Variants in PSD3 observed in about 807,000 individuals in gnomAD.
The protein encoded by PSD3 is PH and SEC7 domain-containing protein 3.
PSD3 carries 49 observed loss-of-function variants against 105.5 expected under a neutral mutation model. The observed-to-expected ratio is 0.46, with a 90% CI of 0.37 to 0.59. The LOEUF is 0.59. PSD3 is among the 20% of genes least tolerant of loss of function. The pLI is 0.00. For missense variants in PSD3, 1,561 were observed against 1,263.8 expected (o/e 1.24, Z -3.57); for synonymous variants, 557 against 457.8 (o/e 1.22, Z -2.77).
chr8:18,681,592 G>C (rs1206635412), intron 9 of PSD3, among the ~76,000 whole-genome samples: 2 of 151,914 alleles, frequency 1.3e-5, no homozygotes, highest in Admixed American at 1.3e-4. Context: ...AATGGGAGAA[G>C]TGATGCTTAA....
chr8:18,594,159 AT>A (rs1299614310), intron 12 of PSD3, among the ~76,000 whole-genome samples: 4 of 62,186 alleles, frequency 6.4e-5, no homozygotes, highest in African/African-American at 1.1e-4. Flanking sequence ...AATATATATT[AT>A]TATATACATA....
intron 4 of PSD3, among the ~76,000 whole-genome samples, chr8:18,834,270 C>A (rs1813913315): frequency 6.6e-6 from 1 of 152,184 alleles, no homozygotes; most frequent in African/African-American, 2.4e-5. Flanking sequence ...GCCTTGATTA[C>A]ATGGCAACAC....
At chr8:18,851,930 A>G (rs1389966406) in intron 4 of PSD3, among the ~76,000 whole-genome samples, 1 of 152,180 alleles carries the variant, frequency 6.6e-6, no homozygotes, top group Non-Finnish European at 1.5e-5. Flanking sequence ...TCAAAATTCA[A>G]TCTAAAACCC....
rs57686959 is a variant in PSD3, at chr8:19,057,511, G to T, written c.324+26695C>A. Among the ~76,000 whole-genome samples the T allele has an allele frequency of 1.9e-3, 287 of 152,220 alleles. 4 individuals are homozygous for T. The East Asian group carries it at 0.04, about 21-fold the overall frequency. ...ACATTCAATGATCTCTACTAGTTTGGCTATACCAGTTGTTAAATATTGAAA... is the reference window on the plus strand; with the variant it reads ...ACATTCAATGATCTCTACTAGTTTGTCTATACCAGTTGTTAAATATTGAAA... On this transcript the variant is annotated intron_variant, in intron 1 of 1. Coordinates refer to the PSD3 transcript ENST00000521475.
chr8:19,071,708 C>T (rs974357517), intron 1 of PSD3, among the ~76,000 whole-genome samples: 2 of 122,374 alleles, frequency 1.6e-5, no homozygotes, highest in African/African-American at 3.1e-5. Context: ...TGTCTGCCTC[C>T]GACTTCTTCT....
At chr8:19,009,025 A>T (rs1826833065) in intron 1 of PSD3, among the ~76,000 whole-genome samples, 1 of 152,240 alleles carries the variant, frequency 6.6e-6, no homozygotes, top group Non-Finnish European at 1.5e-5. Flanking sequence ...AAAAGAAATT[A>T]AAATACATTC....
At chr8:18,827,868 C>T (rs1373557995) in intron 4 of PSD3, among the ~76,000 whole-genome samples, 1 of 150,388 alleles carries the variant, frequency 6.6e-6, no homozygotes, top group Non-Finnish European at 1.5e-5. Flanking sequence ...AATCATAGTG[C>T]CTTTAGCCAA....
intron 1 of PSD3, among the ~76,000 whole-genome samples, chr8:18,986,444 T>A (rs1825499058): frequency 6.6e-6 from 1 of 151,956 alleles, no homozygotes; most frequent in Non-Finnish European, 1.5e-5. Flanking sequence ...CCATTTTGTA[T>A]CCGAAAGATA....
chr8:18,579,808 A>T (rs1220844699), intron 12 of PSD3, among the ~76,000 whole-genome samples: 1 of 152,172 alleles, frequency 6.6e-6, no homozygotes, highest in African/African-American at 2.4e-5. Flanking sequence ...AGCATATTAA[A>T]GACTCCAGTT....
chr8:18,874,183 G>T (rs117154345), intron 2 of PSD3, among the ~76,000 whole-genome samples: 3,085 of 151,606 alleles, frequency 0.02, 43 homozygotes, highest in Non-Finnish European at 0.026. Flanking sequence ...TATTTATTGA[G>T]ATGGAGTCTC....
intron 1 of PSD3, among the ~76,000 whole-genome samples, chr8:18,958,009 T>C (rs904062202): frequency 1.3e-5 from 2 of 152,174 alleles, no homozygotes; most frequent in Admixed American, 6.5e-5. Context: ...TGCCCTTTTA[T>C]CCAGCAACTC....
At chr8:18,802,727 T>A (rs151095785) in intron 6 of PSD3, among the ~76,000 whole-genome samples, 2 of 152,284 alleles carry the variant, frequency 1.3e-5, no homozygotes, top group African/African-American at 4.8e-5. Flanking sequence ...AGGGTTACAC[T>A]AGATGATCTC....
At chr8:18,926,406 T>G (rs903329217) in intron 2 of PSD3, among the ~76,000 whole-genome samples, 1 of 152,028 alleles carries the variant, frequency 6.6e-6, no homozygotes, top group Non-Finnish European at 1.5e-5. Context: ...TCATTATGTA[T>G]ATGAAAATAT....
At chr8:18,987,832 G>C (rs1825586852) in intron 1 of PSD3, among the ~76,000 whole-genome samples, 2 of 152,108 alleles carry the variant, frequency 1.3e-5, no homozygotes, top group South Asian at 4.2e-4. Context: ...GAAAAAGAAA[G>C]AAAATAATAA....
chr8:19,003,973 T>A (rs10102937), intron 1 of PSD3, among the ~76,000 whole-genome samples: 1 of 151,874 alleles, frequency 6.6e-6, no homozygotes, highest in African/African-American at 2.4e-5. Flanking sequence ...TCTTAAGACT[T>A]GCATGGGGTG....
intron 10 of PSD3, among the ~76,000 whole-genome samples, chr8:18,646,351 G>C (rs1332047400): frequency 6.6e-6 from 1 of 151,704 alleles, no homozygotes; most frequent in Admixed American, 6.6e-5. Context: ...TATTCACTAG[G>C]GATTAAGGAT....
intron 9 of PSD3, among the ~76,000 whole-genome samples, chr8:18,718,639 T>C (rs1001023797): frequency 4.6e-5 from 7 of 152,216 alleles, no homozygotes; most frequent in Admixed American, 1.3e-4. Context: ...AGCTGTGCTT[T>C]TGAACATAGC....
intron 2 of PSD3, among the ~76,000 whole-genome samples, chr8:18,932,930 G>A (rs190456548): frequency 4.6e-5 from 7 of 152,288 alleles, no homozygotes; most frequent in Admixed American, 3.3e-4. Flanking sequence ...CCTCCATGAA[G>A]TTATCACCAG....
At chr8:18,615,674 T>A (rs757015811) in intron 11 of PSD3, among the ~76,000 whole-genome samples, 1 of 152,226 alleles carries the variant, frequency 6.6e-6, no homozygotes, top group African/African-American at 2.4e-5. Context: ...CCTTTTTACA[T>A]ACCTTTTAAG....
Sources: gnomAD v4.1 joint callset for allele counts (sites outside exome capture counted in the v4.1 genomes callset) on GRCh38, gnomAD v4.1.1 for gene constraint, MANE v1.5 for transcripts, NCBI Gene and HGNC (gene_info 2026-07-23, HGNC 2026-07-21) for gene names.